LPIN2: variants seen among roughly 807,000 people sequenced by gnomAD.
LPIN2 encodes the protein lipin 2.
Under a neutral mutation model 111.4 loss-of-function variants are expected in LPIN2, and 55 were observed. That is an observed-to-expected ratio of 0.49 (90% CI 0.40 to 0.62). LPIN2 has a LOEUF of 0.62. LPIN2 is among the 20% of genes least tolerant of loss of function. The probability of loss-of-function intolerance (pLI) is 0.00; values close to 1 mark genes in which losing one functional copy is unlikely to be tolerated. For missense variants in LPIN2, 992 were observed against 1,112.1 expected (o/e 0.89, Z 1.54); for synonymous variants, 425 against 414.0 (o/e 1.03, Z -0.32).
rs560603382 is a variant in LPIN2 at position 3,002,072 on chromosome 18, T to C, written c.-10+11015A>G. Among the ~76,000 whole-genome samples the C allele has an allele frequency of 2.0e-5, 3 of 152,126 alleles. No homozygotes were observed. In the South Asian group the frequency reaches 6.2e-4, roughly 32 times the overall value. On this transcript the variant is annotated intron_variant, in intron 1 of 19. Transcript: ENST00000677752. ...AGGAAATTTAAATACAACAAAGTTA[T>C]CTAGTTAATTCACTTGGGACAGGGA...
At chr18:2,982,519 G>C in intron 1 of LPIN2, 1 of 298,588 alleles carries the variant, frequency 3.3e-6, no homozygotes, top group Admixed American at 4.6e-5. Flanking sequence ...ATAACACTTA[G>C]AAGTTAATAA....
intron 1 of LPIN2, among the ~76,000 whole-genome samples, chr18:3,005,404 G>A (rs1174839061): frequency 3.3e-5 from 5 of 152,016 alleles, no homozygotes; most frequent in African/African-American, 1.2e-4. Flanking sequence ...GCAGGGCACA[G>A]TGGCTCATGC....
At chr18:2,960,190 G>A (rs1179760866) in intron 2 of LPIN2, among the ~76,000 whole-genome samples, 1 of 151,080 alleles carries the variant, frequency 6.6e-6, no homozygotes, top group African/African-American at 2.4e-5. Flanking sequence ...GTGTGTGTGT[G>A]TGTGTGTGTG....
chr18:2,937,548 A>T, intron 7 of LPIN2, 144 bp downstream of exon 7: 4 of 246,802 alleles, frequency 1.6e-5, no homozygotes, highest in East Asian at 2.7e-4. Flanking sequence ...TCCAGCTAAA[A>T]AAAAAAAAAA....
intron 1 of LPIN2, among the ~76,000 whole-genome samples, chr18:2,987,973 A>G (rs11875247): frequency 7.4e-6 from 1 of 135,394 alleles, no homozygotes; most frequent in African/African-American, 3.0e-5. Context: ...AGATCATACC[A>G]CTGTTCTCCA....
chr18:3,000,032 T>TC (rs1168927180), intron 1 of LPIN2, among the ~76,000 whole-genome samples: 2 of 147,912 alleles, frequency 1.4e-5, no homozygotes, highest in African/African-American at 5.0e-5. Context: ...TCTGTTTTGT[T>TC]TTTTTTTTTC....
intron 4 of LPIN2, among the ~76,000 whole-genome samples, chr18:2,950,841 A>G (rs1598558983): frequency 6.6e-6 from 1 of 152,290 alleles, no homozygotes; most frequent in East Asian, 1.9e-4. Context: ...AAGAAACACA[A>G]CCAGTCTGCT....
intron 1 of LPIN2, among the ~76,000 whole-genome samples, chr18:2,972,187 T>C (rs892757872): frequency 1.3e-5 from 2 of 152,126 alleles, no homozygotes; most frequent in African/African-American, 4.8e-5. Flanking sequence ...AGAGAAAAAC[T>C]TGCATAAATC....
chr18:2,987,247 TCA>T (rs2078200358), intron 1 of LPIN2, among the ~76,000 whole-genome samples: 1 of 152,206 alleles, frequency 6.6e-6, no homozygotes, highest in African/African-American at 2.4e-5. Flanking sequence ...TGTTATAGAC[TCA>T]CAATAACAGG....
chr18:2,943,153 C>T (rs906301346), intron 4 of LPIN2, among the ~76,000 whole-genome samples: 1 of 152,102 alleles, frequency 6.6e-6, no homozygotes, highest in East Asian at 1.9e-4. Flanking sequence ...GAACTGCACA[C>T]TTACGGTCTG....
At chr18:2,953,213 A>G (rs1391189668) in intron 3 of LPIN2, among the ~76,000 whole-genome samples, 1 of 152,254 alleles carries the variant, frequency 6.6e-6, no homozygotes, top group Non-Finnish European at 1.5e-5. Context: ...CTTGCTGAGC[A>G]TAATTTTTAG....
chr18:2,975,958 CG>C (rs1048698667), intron 1 of LPIN2, among the ~76,000 whole-genome samples: 74 of 152,238 alleles, frequency 4.9e-4, no homozygotes, highest in African/African-American at 1.8e-3. Context: ...CCAACTCTAT[CG>C]GAAGTTTTTT....
At chr18:2,997,385 C>A (rs1271194901) in intron 1 of LPIN2, among the ~76,000 whole-genome samples, 2 of 48,010 alleles carry the variant, frequency 4.2e-5, no homozygotes, top group Non-Finnish European at 1.7e-4. Flanking sequence ...CCTCAGCCTC[C>A]CAAAGTGCTG....
rs980182858 is a variant in LPIN2, at chr18:2,921,116, G to A, written c.2443-235C>T. 3.7e-5 allele frequency: 22 copies of A among 593,714 alleles called. 1 individual carries two copies. In the South Asian group the frequency reaches 3.9e-4, roughly 10 times the overall value. The allele number at this position is 593,714 out of a possible 1,614,324, so 36.8% of individuals were successfully genotyped here. A position where few individuals can be genotyped will look rare whatever the true frequency, so the allele number is the denominator to read the frequency against. On this transcript the variant is annotated intron_variant, in intron 18 of 19. Transcript: ENST00000677752. ...AGGGGAAGCCAGGGTCCCTGGCGCA[G>A]AAGAGGCCAGAGAGGCCACATCTTC...
In LPIN2 at chr18:2,917,729, A is replaced by G. The variant is rs996808394; in HGVS notation, c.*2564T>C. ...CCTCACAGCCTGACAAGGGGCAGAC[A>G]GCAACTCACACGGGACGAGCTTCAG... On this transcript the variant is annotated 3_prime_UTR_variant, in exon 20 of 20. Transcript: ENST00000677752. 6.6e-6 allele frequency: 1 copy of G among 152,490 alleles called. No homozygotes were observed. Among genetic ancestry groups the G allele is most frequent in the East Asian group, 1.9e-4 (1 of 5,200 alleles). 9.4% of individuals were successfully genotyped at this position (152,490 alleles called of 1,614,324 possible). A position where few individuals can be genotyped will look rare whatever the true frequency, so the allele number is the denominator to read the frequency against.
intron 2 of LPIN2, among the ~76,000 whole-genome samples, chr18:2,959,711 CT>C (rs1443074410): frequency 6.6e-6 from 1 of 152,172 alleles, no homozygotes; most frequent in East Asian, 1.9e-4. Context: ...TGAATCTTCC[CT>C]AAAACAAACA....
chr18:3,005,676 TACACACACACAC>T (rs34050872), intron 1 of LPIN2, among the ~76,000 whole-genome samples: 16 of 146,910 alleles, frequency 1.1e-4, no homozygotes, highest in Non-Finnish European at 2.2e-4. Context: ...GACACTATCT[TACACACACACAC>T]ACACACACAC....
chr18:2,983,634 A>C (rs1456810930), intron 1 of LPIN2, among the ~76,000 whole-genome samples: 1 of 152,212 alleles, frequency 6.6e-6, no homozygotes, highest in Admixed American at 6.5e-5. Context: ...TCAGGCCAGT[A>C]CCAACTGCAA....
Position 2,925,453 on chromosome 18 carries a change from A to C in LPIN2, c.1794-85T>G. ...TTCATTTAGGATCAAGAAAATAAAG[A>C]TATCCTAAATCTTTTCTAGGAATGG... On this transcript the variant is annotated intron_variant, in intron 13 of 19. Transcript: ENST00000677752. The surrounding 1 kb of genome is among the most constrained non-coding windows in gnomAD (Gnocchi z 4.1). The C allele has an allele frequency of 1.3e-6, 2 of 1,564,360 alleles. No individual in the cohort carries two copies. The highest frequency in any genetic ancestry group is 1.8e-6 in the Non-Finnish European group (2 of 1,138,832).
Sources: allele counts gnomAD v4.1 joint callset (sites outside exome capture counted in the v4.1 genomes callset), GRCh38; gene constraint gnomAD v4.1.1; non-coding constraint Gnocchi (gnomAD v3.1); transcripts MANE v1.5; gene names NCBI Gene and HGNC (gene_info 2026-07-23, HGNC 2026-07-21).